The following L1CAM variants were observed in gnomAD, a reference collection of about 807,000 sequenced individuals.
L1CAM encodes L1 cell adhesion molecule.
Under a neutral mutation model 93.0 loss-of-function variants are expected in L1CAM, and 8 were observed. The ratio of observed to expected loss-of-function variants is 0.09; its 90% confidence interval spans 0.05 to 0.16. The LOEUF (loss-of-function observed/expected upper bound fraction) is 0.16, where lower values mean the gene tolerates loss of function less well. Among genes scored for constraint, L1CAM ranks in the 10% least tolerant of loss-of-function variants. L1CAM has a pLI of 1.00. For synonymous variants in L1CAM, 453 were observed against 453.0 expected (o/e 1.00, Z 0.00); for missense variants, 777 against 1,073.4 (o/e 0.72, Z 3.86).
At chrX:153,884,026 A>T (rs1557096352) in intron 1 of L1CAM, 1 of 367,051 alleles carries the variant, frequency 2.7e-6, no homozygotes. Context: ...TTGGGGGCAC[A>T]ATCTGGGCAC....
chrX:153,869,192 C>T, intron 11 of L1CAM: 2 of 450,679 alleles, frequency 4.4e-6, no homozygotes, highest in East Asian at 3.7e-5. Context: ...GCCTAACTGA[C>T]AGTCACCTCT....
intron 1 of L1CAM, chrX:153,876,523 C>A (rs782534414): frequency 6.6e-4 from 80 of 120,308 alleles, no homozygotes; most frequent in Non-Finnish European, 1.3e-3. Context: ...TGTGCACACA[C>A]ATGTAGAGAA....
intron 4 of L1CAM, 33 bp downstream of exon 4, chrX:153,872,559 G>A: frequency 6.3e-6 from 7 of 1,113,934 alleles, no homozygotes; most frequent in Non-Finnish European, 8.7e-6. Context: ...TCAGTGGCAG[G>A]CAACAGGGGC....
intron 1 of L1CAM, chrX:153,885,434 C>T (rs782700792): frequency 4.3e-4 from 423 of 974,917 alleles, no homozygotes; most frequent in Non-Finnish European, 5.4e-4. Context: ...GGCAGGTTTT[C>T]GGGTGAGCCC....
rs2064786206 is a variant in L1CAM at position 153,873,001 on chromosome X, G to A, written c.91+227C>T. 8.7e-6 allele frequency: 4 copies of A among 458,414 alleles called. No homozygotes were observed. In the Admixed American group the frequency reaches 1.5e-4, roughly 17 times the overall value. 37.8% of individuals were successfully genotyped at this position (458,414 alleles called of 1,213,427 possible). ...AGGACAAACCCCAGACAGGGGAGAA[G>A]GGACCAGAGAGAATGGCAGAGAGGA... On this transcript the variant is annotated intron_variant, in intron 3 of 28. Transcript: ENST00000370060.
rs897219188 is a variant in L1CAM at position 153,871,617 on chromosome X, G to A, written c.401-438C>T. Among the ~76,000 whole-genome samples, 7 of 110,095 alleles carry A rather than the reference G, an allele frequency of 6.4e-5. No individual in the cohort carries two copies. In the East Asian group the frequency reaches 8.6e-4, roughly 14 times the overall value. On this transcript the variant is annotated intron_variant, in intron 5 of 28. Coordinates refer to ENST00000370060, the MANE Select transcript of L1CAM (RefSeq NM_001278116.2). ...AGGGGTGGGGAGGGGAGAGGAGAGC[G>A]CTCAGGAAGCAGAAAGCTCAGGGAG...
chrX:153,880,375 G>A (rs1446677059), intron 1 of L1CAM: 4 of 192,819 alleles, frequency 2.1e-5, no homozygotes, highest in Admixed American at 1.4e-4. Context: ...TCTCAAAGGA[G>A]AAGCAACAAG....
At position 153,872,216 on chromosome X, in the gene L1CAM, G is replaced by A. The variant is rs2064777452; in HGVS notation, c.336C>T (p.Tyr112=). 8.3e-7 allele frequency: 1 copy of A among 1,209,916 alleles called. No homozygotes were observed. The highest frequency in any genetic ancestry group is 3.0e-5 in the East Asian group (1 of 33,764). Reference sequence around the variant, plus strand: ...CCAGCTTATTGCTGGCAAAGCAGCGGTAGATGCCCTGGAACCTCTGAGCAA... The same window carrying A: ...CCAGCTTATTGCTGGCAAAGCAGCGATAGATGCCCTGGAACCTCTGAGCAA... ...SNFAQRFQGI[Y]RCFASNKLGT... The change falls in exon 5 of 29, where the codon TAC becomes TAT. Residue 112 remains tyrosine (Y), a synonymous_variant. Transcript: ENST00000370060.
intron 4 of L1CAM, 74 bp from the exon 5 acceptor site, chrX:153,872,428 G>A: frequency 1.9e-6 from 2 of 1,068,815 alleles, no homozygotes; most frequent in Non-Finnish European, 2.6e-6. Flanking sequence ...GGAGGGACAG[G>A]TGCAAGCAGC....
intron 1 of L1CAM, among the ~76,000 whole-genome samples, chrX:153,879,904 C>T (rs1757391239): frequency 1.8e-5 from 2 of 112,003 alleles, no homozygotes; most frequent in South Asian, 3.7e-4. Context: ...AGTGAGCCTG[C>T]GTGACCATGC....
rs142563956 is a variant in L1CAM at position 153,864,452 on chromosome X, C to A, written c.3192G>T (p.Ser1064=). 86 of 1,209,257 alleles carry A rather than the reference C, an allele frequency of 7.1e-5. No homozygotes were observed. In the African/African-American group the frequency reaches 1.3e-3, roughly 19 times the overall value. ...TCTGGTTGTAGCTGACATACTGTGG[C>A]GAAAGGGAAGCCCCACCCTTCTCTT... ...LGEEKGGASL[S]PQYVSYNQSS... is the part of the protein sequence containing the mutation. Residue 1064 remains serine (S), a synonymous_variant, in exon 25 of 29, where the codon TCG becomes TCT. Transcript: ENST00000370060.
intron 3 of L1CAM, 147 bp from the exon 4 acceptor site, chrX:153,872,844 A>G: frequency 1.9e-6 from 1 of 522,678 alleles, no homozygotes; most frequent in Admixed American, 2.7e-5. Context: ...GAAGAACAAA[A>G]GAGGCTTGTG....
chrX:153,865,893 A>G (rs1232148801), intron 19 of L1CAM, 74 bp from the exon 20 acceptor site: 13 of 677,827 alleles, frequency 1.9e-5, no homozygotes, highest in Non-Finnish European at 3.2e-5. Flanking sequence ...AAGCCCCTAC[A>G]CACAGAGAAG....
chrX:153,867,753 G>A lies in L1CAM; in HGVS notation c.1939+47C>T, dbSNP rs782111182. On this transcript the variant is annotated intron_variant, in intron 16 of 28. Coordinates refer to ENST00000370060, the MANE Select transcript of L1CAM (RefSeq NM_001278116.2). ...GAGGGAGGACCCCAGGAGGGGCCAGGGCTGGCAGAAGTGACGGTGGGGTGG... is the reference window on the plus strand; with the variant it reads ...GAGGGAGGACCCCAGGAGGGGCCAGAGCTGGCAGAAGTGACGGTGGGGTGG... The A allele has an allele frequency of 1.2e-5, 13 of 1,124,421 alleles. No individual in the cohort carries two copies. In the African/African-American group the frequency reaches 2.2e-4, roughly 19 times the overall value. The allele number at this position is 1,124,421 out of a possible 1,213,427, so 92.7% of individuals were successfully genotyped here.
intron 1 of L1CAM, among the ~76,000 whole-genome samples, chrX:153,878,829 T>A (rs1317240228): frequency 1.8e-5 from 2 of 110,897 alleles, no homozygotes; most frequent in African/African-American, 3.3e-5. Context: ...AAATACAATA[T>A]CCCCAAACCC....
At chrX:153,879,732 T>C (rs2064834443) in intron 1 of L1CAM, among the ~76,000 whole-genome samples, 1 of 95,034 alleles carries the variant, frequency 1.1e-5, no homozygotes, top group Non-Finnish European at 2.0e-5. Context: ...GGCTGACCCA[T>C]GCCATGCCAG....
Position 153,872,719 on chromosome X carries a change from C to T in L1CAM, c.92-22G>A, listed in dbSNP as rs199694129. ...ATCACTGAAGACAGGGTGGAGAGAG[C>T]GGTGGTGAGGGTGCTGCCTGGCTGG... On this transcript the variant is annotated intron_variant, in intron 3 of 28. Coordinates refer to ENST00000370060, the MANE Select transcript of L1CAM (RefSeq NM_001278116.2). The T allele has an allele frequency of 9.7e-6, 11 of 1,139,530 alleles. No individual in the cohort carries two copies. In the African/African-American group the frequency reaches 1.3e-4, roughly 13 times the overall value. The allele number at this position is 1,139,530 out of a possible 1,213,427, so 93.9% of individuals were successfully genotyped here.
chrX:153,868,810 A>T (rs782570169), intron 12 of L1CAM, 31 bp downstream of exon 12: 6 of 1,201,138 alleles, frequency 5.0e-6, no homozygotes, highest in Non-Finnish European at 5.6e-6. Context: ...CTGGGACACG[A>T]CACTCACCAC....
chrX:153,868,062 G>C lies in L1CAM; in HGVS notation c.1764C>G (p.Asn588Lys). 1 of 1,210,842 alleles carries C rather than the reference G, an allele frequency of 8.3e-7. No individual in the cohort carries two copies. The highest frequency in any genetic ancestry group is 1.1e-6 in the Non-Finnish European group (1 of 895,086). ...GTTCGGTACTGGCCACGCAGCTGTA[G>C]TTGCCCTGGTCGCTGTAGTCCAGGC... ...IHSLDYSDQG[N>K]YSCVASTELD... is the part of the protein sequence containing the mutation. The change falls in exon 15 of 29, where the codon AAC becomes AAG. Residue 588 changes from asparagine to lysine, a missense_variant. This residue lies in a region of L1CAM where 574 missense variants were observed against 781.0 expected (regional missense o/e 0.73). Coordinates refer to ENST00000370060, the MANE Select transcript of L1CAM (RefSeq NM_001278116.2).
Sources: gnomAD v4.1 joint callset for allele counts (sites outside exome capture counted in the v4.1 genomes callset) on GRCh38, gnomAD v4.1.1 for gene constraint, gnomAD v4.1.1 regional missense constraint, MANE v1.5 for transcripts, NCBI Gene and HGNC (gene_info 2026-07-23, HGNC 2026-07-21) for gene names.